The following GSE1 variants were observed in gnomAD, a reference collection of about 807,000 sequenced individuals.
GSE1 encodes Gse1 coiled-coil protein.
A neutral mutation model predicts 112.6 loss-of-function variants in GSE1; 32 were observed. The observed-to-expected ratio is 0.28, with a 90% confidence interval of 0.21 to 0.38. The LOEUF is 0.38. GSE1 is among the 10% of genes least tolerant of loss of function. GSE1 has a pLI of 1.00. For missense variants in GSE1, 2,348 were observed against 1,699.2 expected, an observed-to-expected ratio of 1.38 and a Z score of -6.71; for synonymous variants, 1,115 against 735.6, an observed-to-expected ratio of 1.52 and a Z score of -8.35.
intron 8 of GSE1, among the ~76,000 whole-genome samples, chr16:85,660,918 C>G (rs528338881): frequency 6.6e-6 from 1 of 152,272 alleles, no homozygotes; most frequent in Admixed American, 6.5e-5. Flanking sequence ...GGATGAGCCA[C>G]TGCGCCCGGC....
intron 2 of GSE1, among the ~76,000 whole-genome samples, chr16:85,374,286 G>A (rs1383440070): frequency 6.6e-6 from 1 of 150,712 alleles, no homozygotes; most frequent in Non-Finnish European, 1.5e-5. Context: ...CAGTGTGTAT[G>A]TGCGTGGTTG....
At chr16:85,633,235 G>C (rs910002409) in intron 1 of GSE1, among the ~76,000 whole-genome samples, 7 of 152,186 alleles carry the variant, frequency 4.6e-5, no homozygotes, top group African/African-American at 1.7e-4. Flanking sequence ...ACCGCTCCCT[G>C]TCAGCCTGCC....
chr16:85,647,118 C>G (rs927090666), intron 2 of GSE1, among the ~76,000 whole-genome samples: 1 of 152,204 alleles, frequency 6.6e-6, no homozygotes, highest in Non-Finnish European at 1.5e-5. Context: ...CACTCCTCCC[C>G]GTCCTCCCCG....
chr16:85,296,006 C>T (rs935882931), intron 1 of GSE1, among the ~76,000 whole-genome samples: 3 of 152,182 alleles, frequency 2.0e-5, no homozygotes, highest in African/African-American at 7.2e-5. Context: ...AGCACCCATC[C>T]AGGAAGCCGG....
upstream of GSE1, among the ~76,000 whole-genome samples, chr16:85,609,933 C>T (rs1339754760): frequency 6.6e-6 from 1 of 152,216 alleles, no homozygotes; most frequent in African/African-American, 2.4e-5. Flanking sequence ...GCTGGGATTA[C>T]AGGCGTGAGC....
rs563052149 is a variant in GSE1, at chr16:85,366,658, A to T, written c.2464+9015A>T. On this transcript the variant is annotated intron_variant, in intron 2 of 2. Coordinates refer to the GSE1 transcript ENST00000637419. ...TTCCTGCCCTCCTACTTAGACTGGG[A>T]TCTGGTTTCCCTCAGCTGGTTCCCT... Among the ~76,000 whole-genome samples the T allele has an allele frequency of 2.0e-5, 3 of 152,028 alleles. No homozygotes were observed. The East Asian group carries it at 5.8e-4, about 29-fold the overall frequency.
chr16:85,673,473 T>A lies in GSE1; in HGVS notation c.*934T>A, dbSNP rs1339240430. 1.3e-4 allele frequency: 18 copies of A among 141,406 alleles called. No individual in the cohort carries two copies. Among genetic ancestry groups the A allele is most frequent in the Middle Eastern group, 3.8e-3 (1 of 262 alleles). 8.8% of individuals were successfully genotyped at this position (141,406 alleles called of 1,614,324 possible). A position where few individuals can be genotyped will look rare whatever the true frequency, so the allele number is the denominator to read the frequency against. On this transcript the variant is annotated 3_prime_UTR_variant, in exon 16 of 16. Transcript: ENST00000253458. ...GTTTTGTTTGTTGTTTTGGTTTTTT[T>A]TGGGCAAAAAAAAAAAAAAAACCTT...
chr16:85,180,098 C>G (rs1453409971), intron 1 of GSE1, among the ~76,000 whole-genome samples: 2 of 152,270 alleles, frequency 1.3e-5, no homozygotes, highest in Non-Finnish European at 2.9e-5. Flanking sequence ...GGTTCCCTGC[C>G]TGGGGTCTGG....
At chr16:85,611,944 G>A (rs974697355), upstream of GSE1, among the ~76,000 whole-genome samples, 2 of 152,066 alleles carry the variant, frequency 1.3e-5, no homozygotes, top group South Asian at 4.1e-4. Flanking sequence ...GGCATGTCCC[G>A]GGGCAGGTTT....
intron 1 of GSE1, among the ~76,000 whole-genome samples, chr16:85,629,521 C>T (rs1301870777): frequency 6.6e-6 from 1 of 152,350 alleles, no homozygotes; most frequent in Non-Finnish European, 1.5e-5. Flanking sequence ...TGGAGCAGGT[C>T]GAGCTGGGCC....
At chr16:85,182,792 C>T (rs1181056809) in intron 1 of GSE1, among the ~76,000 whole-genome samples, 1 of 152,094 alleles carries the variant, frequency 6.6e-6, no homozygotes, top group Non-Finnish European at 1.5e-5. Flanking sequence ...TTGACGGCTG[C>T]ATGAGATGGG....
intron 2 of GSE1, among the ~76,000 whole-genome samples, chr16:85,547,466 G>A (rs1234863377): frequency 2.0e-5 from 3 of 152,130 alleles, no homozygotes; most frequent in African/African-American, 4.8e-5. Flanking sequence ...TCTCTCCTGT[G>A]TGTCTTGTCT....
intron 12 of GSE1, among the ~76,000 whole-genome samples, chr16:85,665,557 G>A (rs1046229772): frequency 6.6e-6 from 1 of 151,030 alleles, no homozygotes; most frequent in African/African-American, 2.4e-5. Context: ...CTGCCCTCTG[G>A]GCCCTGCCGG....
intron 1 of GSE1, among the ~76,000 whole-genome samples, chr16:85,243,104 C>T (rs989645930): frequency 2.6e-5 from 4 of 152,214 alleles, no homozygotes; most frequent in Non-Finnish European, 4.4e-5. Context: ...TAAGCCTCTG[C>T]GCCCATCCCT....
chr16:85,176,550 G>A (rs1423248701), intron 1 of GSE1, among the ~76,000 whole-genome samples: 1 of 152,258 alleles, frequency 6.6e-6, no homozygotes, highest in Non-Finnish European at 1.5e-5. Flanking sequence ...GTCGAAGATG[G>A]GTCTGCTGCA....
At chr16:85,561,632 G>A (rs890799020) in intron 1 of GSE1, among the ~76,000 whole-genome samples, 1 of 152,250 alleles carries the variant, frequency 6.6e-6, no homozygotes, top group Non-Finnish European at 1.5e-5. Context: ...AAGCCTGCTG[G>A]TGGTTGCTCT....
At chr16:85,411,151 T>C (rs869040351) in intron 2 of GSE1, among the ~76,000 whole-genome samples, 118 of 24,574 alleles carry the variant, frequency 4.8e-3, no homozygotes, top group East Asian at 0.013. Flanking sequence ...AGGGCCCCCC[T>C]GGATAATCCT....
intron 1 of GSE1, among the ~76,000 whole-genome samples, chr16:85,271,887 C>T (rs572339119): frequency 3.3e-5 from 5 of 152,304 alleles, no homozygotes; most frequent in African/African-American, 7.2e-5. Flanking sequence ...AGGGTAGCAG[C>T]CGGAGACCCC....
chr16:85,496,389 G>A (rs1186787590), intron 2 of GSE1, among the ~76,000 whole-genome samples: 2 of 152,326 alleles, frequency 1.3e-5, no homozygotes, highest in South Asian at 2.1e-4. Context: ...TGTTGAAAAC[G>A]AGATTCACAG....
Sources: allele counts gnomAD v4.1 joint callset (sites outside exome capture counted in the v4.1 genomes callset), GRCh38; gene constraint gnomAD v4.1.1; transcripts MANE v1.5; gene names NCBI Gene and HGNC (gene_info 2026-07-23, HGNC 2026-07-21).